Variants in RAB3IP observed in about 807,000 individuals in gnomAD.
The protein encoded by RAB3IP is rab-3A-interacting protein.
Under a neutral mutation model 59.1 loss-of-function variants are expected in RAB3IP, and 36 were observed. The observed-to-expected ratio is 0.61, with a 90% CI of 0.47 to 0.80. The LOEUF is 0.80. RAB3IP is among the 30% of genes least tolerant of loss of function. The pLI, the probability that RAB3IP is intolerant of heterozygous loss-of-function variation, is 0.00. For missense variants in RAB3IP, 511 were observed against 536.0 expected (o/e 0.95, Z 0.46); for synonymous variants, 207 against 191.2 (o/e 1.08, Z -0.68).
At chr12:69,743,697 AAGT>A (rs762224771) in intron 1 of RAB3IP, among the ~76,000 whole-genome samples, 2 of 152,182 alleles carry the variant, frequency 1.3e-5, no homozygotes, top group Non-Finnish European at 2.9e-5. Context: ...AGGTTTTCTG[AAGT>A]TAGTCTGTTA....
chr12:69,807,934 C>T (rs1479670410), intron 8 of RAB3IP, among the ~76,000 whole-genome samples: 1 of 152,176 alleles, frequency 6.6e-6, no homozygotes, highest in Admixed American at 6.5e-5. Flanking sequence ...CTCCTCACCT[C>T]CCAGACGGGT....
intron 1 of RAB3IP, among the ~76,000 whole-genome samples, chr12:69,752,064 T>C (rs2136117815): frequency 6.7e-6 from 1 of 149,908 alleles, no homozygotes; most frequent in East Asian, 2.0e-4. Flanking sequence ...AGTGCAGTGG[T>C]ATAATCAAAG....
At chr12:69,767,026 TTGG>T (rs1159543344) in intron 3 of RAB3IP, among the ~76,000 whole-genome samples, 1 of 152,216 alleles carries the variant, frequency 6.6e-6, no homozygotes, top group African/African-American at 2.4e-5. Context: ...GTGCTATCCC[TTGG>T]TGGTGTTACT....
At position 69,809,416 on chromosome 12, in the gene RAB3IP, C is replaced by T. The variant is rs565709215; in HGVS notation, c.1131-3362C>T. The stretch of plus-strand genomic sequence containing the variant: ...GCTCGAGGAGTATCTTTGTAGCATT[C>T]TCTGTATTTCCTGAATTTGAATGTT... On this transcript the variant is annotated intron_variant, in intron 8 of 10. Transcript: ENST00000247833. Among the ~76,000 whole-genome samples, 4 of 152,264 alleles carry T rather than the reference C, an allele frequency of 2.6e-5. No homozygotes were observed. The South Asian group carries it at 8.3e-4, about 32-fold the overall frequency.
chr12:69,754,580 CTG>C (rs554356342), intron 1 of RAB3IP, among the ~76,000 whole-genome samples: 14 of 152,250 alleles, frequency 9.2e-5, no homozygotes, highest in South Asian at 8.3e-4. Flanking sequence ...AGCAGGATGA[CTG>C]TAGTTCCTGA....
At chr12:69,808,845 C>G (rs1484916769) in intron 8 of RAB3IP, among the ~76,000 whole-genome samples, 1 of 152,002 alleles carries the variant, frequency 6.6e-6, no homozygotes, top group Non-Finnish European at 1.5e-5. Context: ...GGTCTTGACT[C>G]TTTATCCAAT....
At chr12:69,812,605 A>G (rs1282887912) in intron 8 of RAB3IP, 173 bp from the exon 9 acceptor site, 4 of 583,264 alleles carry the variant, frequency 6.9e-6, no homozygotes, top group South Asian at 2.3e-5. Flanking sequence ...TAAGTCTCAC[A>G]AGGGCAGAGA....
At chr12:69,795,389 T>C (rs1258026859) in intron 6 of RAB3IP, 45 bp downstream of exon 6, 1 of 1,489,096 alleles carries the variant, frequency 6.7e-7, no homozygotes, top group Non-Finnish European at 9.3e-7. Context: ...TGATACTTGT[T>C]AGTTCTCATC....
intron 6 of RAB3IP, among the ~76,000 whole-genome samples, chr12:69,797,224 T>G (rs1328063861): frequency 3.9e-5 from 6 of 152,194 alleles, no homozygotes; most frequent in Non-Finnish European, 1.5e-5. Flanking sequence ...AGTGCAAGGC[T>G]TTGGGATCAA....
intron 8 of RAB3IP, among the ~76,000 whole-genome samples, chr12:69,808,194 A>G (rs919987754): frequency 3.9e-5 from 6 of 152,088 alleles, no homozygotes; most frequent in African/African-American, 1.4e-4. Flanking sequence ...CATGTAGTTG[A>G]GCAGTTGTGA....
At position 69,813,098 on chromosome 12, in the gene RAB3IP, C is replaced by A. The variant is rs1880683497; in HGVS notation, c.1300+65C>A. On this transcript the variant is annotated intron_variant, in intron 10 of 10. Coordinates refer to ENST00000247833, the MANE Select transcript of RAB3IP (RefSeq NM_022456.5). The stretch of plus-strand genomic sequence containing the variant: ...TTCAGCAAAAAGTATAAGTAAAGTT[C>A]AACAAAAAGTATAGAATAGTAGTAA... 8 of 1,189,952 alleles carry A rather than the reference C, an allele frequency of 6.7e-6. No individual in the cohort carries two copies. The South Asian group carries it at 1.0e-4, about 15-fold the overall frequency. 73.7% of individuals were successfully genotyped at this position (1,189,952 alleles called of 1,614,324 possible). A position where few individuals can be genotyped will look rare whatever the true frequency, so the allele number is the denominator to read the frequency against.
intron 3 of RAB3IP, chr12:69,779,185 C>T (rs1220688937): frequency 2.1e-5 from 3 of 141,910 alleles, no homozygotes; most frequent in Non-Finnish European, 4.6e-5. Context: ...TTTCCAGGTG[C>T]GTCCGTCACC....
chr12:69,767,392 G>T lies in RAB3IP; in HGVS notation c.510+10729G>T, dbSNP rs115168291. 5.5e-3 allele frequency among the ~76,000 whole-genome samples: 833 copies of T among 152,322 alleles called. 4 individuals are homozygous for T. Among genetic ancestry groups the T allele is most frequent in the African/African-American group, 0.019 (784 of 41,574 alleles). On this transcript the variant is annotated intron_variant, in intron 3 of 10. Transcript: ENST00000247833. Reference sequence around the variant, plus strand: ...AATGGTAGAAACTCTGTTGCCTCAGGCAGTGGTCTGAGCTCCCTGCTCAGC... The same window carrying T: ...AATGGTAGAAACTCTGTTGCCTCAGTCAGTGGTCTGAGCTCCCTGCTCAGC...
At position 69,746,154 on chromosome 12, in the gene RAB3IP, A is replaced by G. The variant is rs149491032; in HGVS notation, c.-26+7123A>G. ...GACAGTAATCGTTTAACCAGCCTCT[A>G]GTCTCCAGTGAAGTTCTCATTGCCT... On this transcript the variant is annotated intron_variant, in intron 1 of 10. Coordinates refer to ENST00000247833, the MANE Select transcript of RAB3IP (RefSeq NM_022456.5). 7.2e-5 allele frequency among the ~76,000 whole-genome samples: 11 copies of G among 152,332 alleles called. No individual in the cohort carries two copies. In the East Asian group the frequency reaches 1.9e-3, roughly 27 times the overall value.
chr12:69,798,557 T>A (rs1877896268), intron 6 of RAB3IP, among the ~76,000 whole-genome samples: 1 of 152,102 alleles, frequency 6.6e-6, no homozygotes, highest in Non-Finnish European at 1.5e-5. Context: ...TTTTGTCTTT[T>A]GTTGCCATTG....
chr12:69,786,276 A>G (rs180679172), intron 4 of RAB3IP, among the ~76,000 whole-genome samples: 178 of 152,370 alleles, frequency 1.2e-3, no homozygotes, highest in Admixed American at 2.9e-3. Context: ...TTATCATTAC[A>G]AGTAACATTG....
rs1880657534 is a variant in RAB3IP at position 69,812,951 on chromosome 12, C to T, written c.1231-13C>T. On this transcript the variant is annotated splice_polypyrimidine_tract_variant and intron_variant, in intron 9 of 10. Coordinates refer to ENST00000247833, the MANE Select transcript of RAB3IP (RefSeq NM_022456.5). ...CATTTGACCATTCATGACATTTTCT[C>T]CATTTGGCCTAGATCACTTCTGTAT... 1.2e-6 allele frequency: 2 copies of T among 1,612,278 alleles called. No individual in the cohort carries two copies. Among genetic ancestry groups the T allele is most frequent in the African/African-American group, 1.3e-5 (1 of 74,994 alleles).
intron 6 of RAB3IP, among the ~76,000 whole-genome samples, chr12:69,797,057 C>T (rs1271115835): frequency 1.3e-5 from 2 of 152,140 alleles, no homozygotes; most frequent in Non-Finnish European, 2.9e-5. Context: ...TAAATTTGAC[C>T]TGTGTAAGTC....
At chr12:69,783,454 C>T (rs1253958192) in intron 3 of RAB3IP, among the ~76,000 whole-genome samples, 6 of 152,256 alleles carry the variant, frequency 3.9e-5, no homozygotes, top group African/African-American at 1.4e-4. Context: ...CATTGCCCTG[C>T]AGTTTTGTTT....
Sources: allele counts gnomAD v4.1 joint callset (sites outside exome capture counted in the v4.1 genomes callset), GRCh38; gene constraint gnomAD v4.1.1; transcripts MANE v1.5; gene names NCBI Gene and HGNC (gene_info 2026-07-23, HGNC 2026-07-21).